LOXHD1: variants seen among roughly 807,000 people sequenced by gnomAD.
LOXHD1 encodes lipoxygenase homology domain-containing protein 1.
A neutral mutation model predicts 248.2 loss-of-function variants in LOXHD1; 205 were observed. The observed-to-expected ratio is 0.83, with a 90% CI of 0.74 to 0.93. LOXHD1 has a LOEUF of 0.93. Among genes scored for constraint, LOXHD1 ranks in the 40% least tolerant of loss-of-function variants. The pLI is 0.00. For missense variants in LOXHD1, 2,930 were observed against 2,971.6 expected, an observed-to-expected ratio of 0.99 and a Z score of 0.33; for synonymous variants, 1,113 against 1,162.8, an observed-to-expected ratio of 0.96 and a Z score of 0.87.
chr18:46,650,650 C>T (rs756790492), intron 1 of LOXHD1, among the ~76,000 whole-genome samples: 8 of 152,168 alleles, frequency 5.3e-5, no homozygotes, highest in Non-Finnish European at 8.8e-5. Context: ...GTTATTCAAA[C>T]CTGTCAATTC....
At chr18:46,519,390 A>G (rs1290494723) in intron 33 of LOXHD1, among the ~76,000 whole-genome samples, 1 of 152,186 alleles carries the variant, frequency 6.6e-6, no homozygotes, top group Non-Finnish European at 1.5e-5. Context: ...TCATGTTCCC[A>G]TCATTGTCCT....
chr18:46,518,215 G>C lies in LOXHD1; in HGVS notation c.5313C>G (p.Gly1771=), dbSNP rs373924055. 6.4e-7 allele frequency: 1 copy of C among 1,551,578 alleles called. No individual in the cohort carries two copies. Among genetic ancestry groups the C allele is most frequent in the African/African-American group, 1.4e-5 (1 of 73,108 alleles). Residue 1771 remains glycine (G), a synonymous_variant, in exon 34 of 41, where the codon GGC becomes GGG. Coordinates refer to ENST00000642948, the MANE Select transcript of LOXHD1 (RefSeq NM_001384474.1). ...TGAAGATGTTGGAGTCAGTGCCCCCGCCAACCACATCCCCTGTCCACACCG... is the reference window on the plus strand; with the variant it reads ...TGAAGATGTTGGAGTCAGTGCCCCCCCCAACCACATCCCCTGTCCACACCG... ...EMTVWTGDVV[G]GGTDSNIFMT... is the part of the protein sequence containing the mutation.
chr18:46,521,410 T>C, intron 32 of LOXHD1, 128 bp from the exon 33 acceptor site: 3 of 1,021,524 alleles, frequency 2.9e-6, no homozygotes, highest in Non-Finnish European at 4.4e-6. Flanking sequence ...GTCCCTCCCA[T>C]GAAGGTGAAG....
chr18:46,532,037 T>C lies in LOXHD1; in HGVS notation c.4375+1125A>G, dbSNP rs1393344296. On this transcript the variant is annotated intron_variant, in intron 28 of 40. Coordinates refer to ENST00000642948, the MANE Select transcript of LOXHD1 (RefSeq NM_001384474.1). ...TGGTGTTTGTCTTTTGTCTTTTGGG[T>C]GTCTTATCCACTTGGTGGGCAGAAA... Among the ~76,000 whole-genome samples, 7 of 152,332 alleles carry C rather than the reference T, an allele frequency of 4.6e-5. No homozygotes were observed. In the East Asian group the frequency reaches 1.3e-3, roughly 29 times the overall value.
At chr18:46,593,964 T>C (rs181601422) in intron 9 of LOXHD1, among the ~76,000 whole-genome samples, 105 of 152,352 alleles carry the variant, frequency 6.9e-4, no homozygotes, top group Middle Eastern at 6.8e-3. Flanking sequence ...ATAATGTTCT[T>C]TTTAATGGCT....
At chr18:46,560,002 G>GC in intron 19 of LOXHD1, 81 bp downstream of exon 19, 1 of 1,449,058 alleles carries the variant, frequency 6.9e-7, no homozygotes, top group South Asian at 1.4e-5. Flanking sequence ...GGGGATCTAG[G>GC]CCCCCTGCCC....
intron 37 of LOXHD1, among the ~76,000 whole-genome samples, chr18:46,498,107 T>C (rs1425571774): frequency 6.6e-6 from 1 of 152,212 alleles, no homozygotes; most frequent in Non-Finnish European, 1.5e-5. Context: ...TTCAGGGCTG[T>C]GGAGACCCCA....
intron 32 of LOXHD1, 51 bp downstream of exon 32, chr18:46,522,040 ACTGGTCAGCT>A: frequency 7.7e-7 from 1 of 1,306,046 alleles, no homozygotes; most frequent in Non-Finnish European, 1.0e-6. Context: ...CCACCCAGGA[ACTGGTCAGCT>A]CTGTCTATCC....
chr18:46,511,004 T>G (rs1166615332), intron 34 of LOXHD1, among the ~76,000 whole-genome samples: 1 of 152,218 alleles, frequency 6.6e-6, no homozygotes, highest in Non-Finnish European at 1.5e-5. Flanking sequence ...TCAAAAGAGC[T>G]TTAGAATTCT....
intron 37 of LOXHD1, among the ~76,000 whole-genome samples, chr18:46,493,313 G>A (rs2033616078): frequency 6.6e-6 from 1 of 152,202 alleles, no homozygotes; most frequent in Non-Finnish European, 1.5e-5. Flanking sequence ...ATTTGCAGAA[G>A]CTTCCTAATC....
At chr18:46,533,066 G>T in intron 28 of LOXHD1, 96 bp downstream of exon 28, 3 of 1,337,562 alleles carry the variant, frequency 2.2e-6, no homozygotes, top group Non-Finnish European at 1.0e-6. Flanking sequence ...CCCTACTCCT[G>T]GGTGAAGAGG....
intron 5 of LOXHD1, 125 bp downstream of exon 5, chr18:46,618,067 T>G: frequency 3.1e-6 from 2 of 649,136 alleles, no homozygotes; most frequent in Non-Finnish European, 5.4e-6. Context: ...TCACAAGAAG[T>G]GAGATGCTCA....
rs1399454417 is a variant in LOXHD1, at chr18:46,569,507, G to C, written c.2179C>G (p.Leu727Val). 2 of 1,552,042 alleles carry C rather than the reference G, an allele frequency of 1.3e-6. No homozygotes were observed. Among genetic ancestry groups the C allele is most frequent in the South Asian group, 1.2e-5 (1 of 84,066 alleles). Residue 727 changes from leucine (L) to valine (V), a missense_variant, in exon 16 of 41, where the codon CTC becomes GTC. Physicochemically the swap from Leu to Val is conservative, Grantham distance 32. Transcript: ENST00000642948. ...CGGCCACGTTCAAAGTAGTCTTTGA[G>C]GTTGTTGTCAGAGACAAGAAGAACT... Reference protein sequence around the residue: ...KQVLLVSDNNLKDYFERGRVD... With the variant: ...KQVLLVSDNNVKDYFERGRVD...
intron 21 of LOXHD1, among the ~76,000 whole-genome samples, chr18:46,550,610 G>A (rs1355841509): frequency 1.2e-4 from 16 of 129,470 alleles, no homozygotes; most frequent in South Asian, 2.7e-4. Context: ...AAGAGTCAGC[G>A]TGTGATCTGT....
At chr18:46,601,766 G>A in intron 7 of LOXHD1, 1 of 400,492 alleles carries the variant, frequency 2.5e-6, no homozygotes. Context: ...ACTCGGGTTG[G>A]CTAAGAATAG....
At chr18:46,484,296 C>T (rs1274833229) in intron 39 of LOXHD1, among the ~76,000 whole-genome samples, 2 of 152,006 alleles carry the variant, frequency 1.3e-5, no homozygotes, top group South Asian at 4.2e-4. Context: ...CCCAGTTCCC[C>T]CAAATTTATA....
chr18:46,524,375 T>C, intron 31 of LOXHD1, 91 bp downstream of exon 31: 3 of 1,474,996 alleles, frequency 2.0e-6, no homozygotes, highest in Non-Finnish European at 2.7e-6. Flanking sequence ...TCATCGGTGA[T>C]GGTGGGGCTC....
chr18:46,634,906 C>A (rs757073814), intron 4 of LOXHD1, among the ~76,000 whole-genome samples: 2 of 152,120 alleles, frequency 1.3e-5, no homozygotes, highest in African/African-American at 2.4e-5. Flanking sequence ...CTTAATGCCA[C>A]TAAACTGTCC....
intron 17 of LOXHD1, among the ~76,000 whole-genome samples, chr18:46,564,228 T>TA (rs922641548): frequency 1.3e-5 from 2 of 151,982 alleles, no homozygotes; most frequent in Admixed American, 1.3e-4. Context: ...ACTGTAAAAT[T>TA]AAAAAATTGA....
Sources: allele counts gnomAD v4.1 joint callset (sites outside exome capture counted in the v4.1 genomes callset), GRCh38; gene constraint gnomAD v4.1.1; transcripts MANE v1.5; gene names NCBI Gene and HGNC (gene_info 2026-07-23, HGNC 2026-07-21).